KIAA1328: variants seen among roughly 807,000 people sequenced by gnomAD.
KIAA1328 encodes protein hinderin.
In KIAA1328, 52 loss-of-function variants were observed where a neutral mutation model predicts 68.1. That is an observed-to-expected ratio of 0.76 (90% CI 0.61 to 0.96). KIAA1328 has a LOEUF of 0.96. Among genes scored for constraint, KIAA1328 ranks in the 40% least tolerant of loss-of-function variants. The pLI is 0.00. For missense variants in KIAA1328, 641 were observed against 677.6 expected (o/e 0.95, Z 0.60); for synonymous variants, 232 against 239.4 (o/e 0.97, Z 0.28).
At chr18:37,108,614 A>G (rs957527419) in intron 7 of KIAA1328, among the ~76,000 whole-genome samples, 6 of 152,202 alleles carry the variant, frequency 3.9e-5, no homozygotes, top group African/African-American at 7.2e-5. Context: ...ATTGTAAACA[A>G]TAAGTGAGAT....
intron 7 of KIAA1328, among the ~76,000 whole-genome samples, chr18:37,080,122 T>C (rs949585411): frequency 6.6e-6 from 1 of 152,138 alleles, no homozygotes; most frequent in Non-Finnish European, 1.5e-5. Flanking sequence ...ACCTTTGAAA[T>C]TTGTTACTTT....
intron 7 of KIAA1328, among the ~76,000 whole-genome samples, chr18:37,136,387 A>G (rs1363254938): frequency 1.3e-5 from 2 of 152,224 alleles, no homozygotes; most frequent in Admixed American, 1.3e-4. Context: ...ATATATCCTC[A>G]TAGTGTCTTT....
chr18:37,132,910 G>GA (rs1195307534), intron 7 of KIAA1328, among the ~76,000 whole-genome samples: 3 of 152,194 alleles, frequency 2.0e-5, no homozygotes, highest in African/African-American at 7.2e-5. Context: ...ACTCAGCAAT[G>GA]AAAAGGAAGG....
At chr18:36,922,315 G>A (rs1038318444) in intron 5 of KIAA1328, among the ~76,000 whole-genome samples, 6 of 152,054 alleles carry the variant, frequency 3.9e-5, no homozygotes, top group Admixed American at 2.0e-4. Flanking sequence ...GTATGGTTCC[G>A]TACTTGAACT....
chr18:37,228,937 C>G (rs1264231358), downstream of KIAA1328, among the ~76,000 whole-genome samples: 1 of 152,182 alleles, frequency 6.6e-6, no homozygotes, highest in Non-Finnish European at 1.5e-5. Context: ...CAGTTGCACA[C>G]TTAGTGGACT....
At chr18:36,926,976 G>A (rs2050141338) in intron 5 of KIAA1328, among the ~76,000 whole-genome samples, 1 of 152,164 alleles carries the variant, frequency 6.6e-6, no homozygotes, top group African/African-American at 2.4e-5. Flanking sequence ...CAGCGACAAT[G>A]GGGAGGTCCC....
Position 37,173,075 on chromosome 18 carries a change from C to T in KIAA1328, c.1517C>T (p.Thr506Ile). The T allele has an allele frequency of 6.2e-7, 1 of 1,607,604 alleles. No homozygotes were observed. Among genetic ancestry groups the T allele is most frequent in the Non-Finnish European group, 8.5e-7 (1 of 1,175,294 alleles). The stretch of plus-strand genomic sequence containing the variant: ...GCCTCACCATCATTACAGCACACCA[C>T]CTCCCGGTAAGCTTCAGAGATTCTT... ...TTASPSLQHT[T>I]SRYETSLLDL... Residue 506 changes from threonine (T) to isoleucine (I), a missense_variant, in exon 9 of 10, where the codon ACC becomes ATC. Coordinates refer to ENST00000280020, the MANE Select transcript of KIAA1328 (RefSeq NM_020776.3).
At chr18:37,116,925 G>A (rs1391932675) in intron 7 of KIAA1328, among the ~76,000 whole-genome samples, 1 of 152,106 alleles carries the variant, frequency 6.6e-6, no homozygotes, top group Non-Finnish European at 1.5e-5. Context: ...CATCATCACT[G>A]GCCATCAGAG....
chr18:36,961,157 C>A (rs1486885019), intron 6 of KIAA1328, among the ~76,000 whole-genome samples: 2 of 152,118 alleles, frequency 1.3e-5, no homozygotes, highest in African/African-American at 4.8e-5. Context: ...GCACAAGAAC[C>A]TTGTGATGTG....
Position 37,223,125 on chromosome 18 carries a change from G to C in KIAA1328, c.*898G>C. Reference sequence around the variant, plus strand: ...TGTCTACGGAAAATGCCACTAGAGAGAGAGTGATGCAAGCTGCTGCAAAGC... The same window carrying C: ...TGTCTACGGAAAATGCCACTAGAGACAGAGTGATGCAAGCTGCTGCAAAGC... On this transcript the variant is annotated 3_prime_UTR_variant, in exon 10 of 10. Transcript: ENST00000280020. The C allele has an allele frequency of 1.0e-6, 1 of 962,442 alleles. No individual in the cohort carries two copies. The highest frequency in any genetic ancestry group is 1.2e-6 in the Non-Finnish European group (1 of 826,580). The allele number at this position is 962,442 out of a possible 1,614,324, so 59.6% of individuals were successfully genotyped here. A position where few individuals can be genotyped will look rare whatever the true frequency, so the allele number is the denominator to read the frequency against.
intron 5 of KIAA1328, among the ~76,000 whole-genome samples, chr18:36,892,009 T>TGAAA (rs1345972231): frequency 6.6e-6 from 1 of 152,230 alleles, no homozygotes; most frequent in African/African-American, 2.4e-5. Flanking sequence ...TATGATTATG[T>TGAAA]GAAAGAAATC....
At chr18:36,963,044 A>G (rs909438212) in intron 6 of KIAA1328, among the ~76,000 whole-genome samples, 8 of 152,240 alleles carry the variant, frequency 5.3e-5, no homozygotes, top group African/African-American at 1.9e-4. Context: ...GGTTTTTTGA[A>G]AAGATCAACA....
At chr18:37,046,461 G>A (rs1227367457) in intron 6 of KIAA1328, among the ~76,000 whole-genome samples, 1 of 152,076 alleles carries the variant, frequency 6.6e-6, no homozygotes, top group East Asian at 1.9e-4. Context: ...AACCCTGTGA[G>A]ACTACTTAAA....
chr18:37,111,946 A>G (rs1044482854), intron 7 of KIAA1328, among the ~76,000 whole-genome samples: 2 of 152,152 alleles, frequency 1.3e-5, no homozygotes, highest in Admixed American at 1.3e-4. Flanking sequence ...TCTGAGTTCA[A>G]ACTGCAAGGT....
chr18:37,171,813 G>T lies in KIAA1328; in HGVS notation c.1415-1160G>T, dbSNP rs535547073. Among the ~76,000 whole-genome samples the T allele has an allele frequency of 5.3e-5, 8 of 152,316 alleles. No homozygotes were observed. The South Asian group carries it at 1.7e-3, about 32-fold the overall frequency. On this transcript the variant is annotated intron_variant, in intron 8 of 9. Coordinates refer to ENST00000280020, the MANE Select transcript of KIAA1328 (RefSeq NM_020776.3). ...AGTCTCAAATACTCAAGAGGCTGAG[G>T]CAAGAGGATCACTTGGGCCCAGGAG...
chr18:37,113,511 C>G (rs971171358), intron 7 of KIAA1328, among the ~76,000 whole-genome samples: 1 of 152,196 alleles, frequency 6.6e-6, no homozygotes, highest in South Asian at 2.1e-4. Flanking sequence ...GAAGGAATCA[C>G]TGAACGTGGA....
At chr18:37,175,710 A>G (rs2586785) in intron 9 of KIAA1328, among the ~76,000 whole-genome samples, 60,555 of 152,016 alleles carry the variant, frequency 0.4, 13,725 homozygotes, top group African/African-American at 0.62. Flanking sequence ...TGTAGAAAAG[A>G]CATTTTTTTA....
chr18:37,071,047 T>C (rs1178018661), intron 7 of KIAA1328, among the ~76,000 whole-genome samples: 2 of 124,746 alleles, frequency 1.6e-5, no homozygotes, highest in Non-Finnish European at 3.0e-5. Context: ...TGTTTTTGAT[T>C]TTTTTCTTCC....
intron 4 of KIAA1328, among the ~76,000 whole-genome samples, chr18:36,874,370 C>T (rs557962389): frequency 1.3e-5 from 2 of 152,048 alleles, no homozygotes; most frequent in Admixed American, 6.6e-5. Context: ...TTTTTGTGAT[C>T]GCCATTCTAA....
Sources: gnomAD v4.1 joint callset for allele counts (sites outside exome capture counted in the v4.1 genomes callset) on GRCh38, gnomAD v4.1.1 for gene constraint, MANE v1.5 for transcripts, NCBI Gene and HGNC (gene_info 2026-07-23, HGNC 2026-07-21) for gene names.